Variants in SEM1 observed in about 807,000 individuals in gnomAD.
SEM1 encodes the protein SEM1 26S proteasome subunit, also known as 26S proteasome complex subunit SEM1.
In SEM1, 3 loss-of-function variants were observed where a neutral mutation model predicts 12.7. The observed-to-expected ratio is 0.24, with a 90% CI of 0.11 to 0.61. SEM1 has a LOEUF of 0.61. SEM1 is among the 20% of genes least tolerant of loss of function. The pLI is 0.88. For synonymous variants in SEM1, 30 were observed against 27.8 expected (o/e 1.08, Z -0.25); for missense variants, 59 against 81.3 (o/e 0.73, Z 1.06).
chr7:96,534,337 G>A (rs944003993), intron 2 of SEM1, among the ~76,000 whole-genome samples: 1 of 152,046 alleles, frequency 6.6e-6, no homozygotes, highest in African/African-American at 2.4e-5. Flanking sequence ...TGATAAGACT[G>A]GTGTGATAGT....
intron 2 of SEM1, among the ~76,000 whole-genome samples, chr7:96,627,273 A>C (rs1294499249): frequency 6.6e-6 from 1 of 151,014 alleles, no homozygotes; most frequent in Non-Finnish European, 1.5e-5. Context: ...TTCTGCTCTG[A>C]TCTTTATTAT....
chr7:96,704,316 T>C (rs904704096), intron 1 of SEM1, among the ~76,000 whole-genome samples: 8 of 152,132 alleles, frequency 5.3e-5, no homozygotes, highest in South Asian at 2.1e-4. Context: ...TTTTGGGGAA[T>C]TGTAGAGGGA....
At chr7:96,662,450 A>G (rs991714249) in intron 2 of SEM1, among the ~76,000 whole-genome samples, 9 of 152,178 alleles carry the variant, frequency 5.9e-5, no homozygotes, top group African/African-American at 1.9e-4. Context: ...GCTCTCACTC[A>G]TAAGTGGGAG....
chr7:96,503,116 A>G (rs1387496320), intron 3 of SEM1, among the ~76,000 whole-genome samples: 1 of 152,168 alleles, frequency 6.6e-6, no homozygotes, highest in Non-Finnish European at 1.5e-5. Flanking sequence ...CTAGAAGCAT[A>G]AGCTTATCTT....
intron 3 of SEM1, among the ~76,000 whole-genome samples, chr7:96,504,242 T>A (rs1211368228): frequency 6.6e-6 from 1 of 152,150 alleles, no homozygotes; most frequent in Non-Finnish European, 1.5e-5. Context: ...TTTATGGTTT[T>A]CACATCATAT....
intron 1 of SEM1, among the ~76,000 whole-genome samples, chr7:96,488,189 GA>G (rs1471306384): frequency 6.6e-6 from 1 of 152,016 alleles, no homozygotes; most frequent in Non-Finnish European, 1.5e-5. Flanking sequence ...AGAAAAATCT[GA>G]AAAATGAGGG....
chr7:96,707,377 TGTG>T (rs1351035598), intron 1 of SEM1, among the ~76,000 whole-genome samples: 1 of 152,254 alleles, frequency 6.6e-6, no homozygotes, highest in Non-Finnish European at 1.5e-5. Flanking sequence ...GGTTTCACCT[TGTG>T]GGATGATTTT....
intron 2 of SEM1, among the ~76,000 whole-genome samples, chr7:96,574,385 G>A (rs528630206): frequency 2.0e-4 from 17 of 86,624 alleles, no homozygotes; most frequent in African/African-American, 5.2e-4. Flanking sequence ...GAATAGTGCC[G>A]CAATAAACAT....
chr7:96,534,057 G>A (rs1221524984), intron 2 of SEM1, among the ~76,000 whole-genome samples: 1 of 152,046 alleles, frequency 6.6e-6, no homozygotes, highest in Non-Finnish European at 1.5e-5. Context: ...GCAGATATCT[G>A]AGTTGAGAGC....
chr7:96,551,395 G>C (rs1805266030), intron 2 of SEM1, among the ~76,000 whole-genome samples: 1 of 152,112 alleles, frequency 6.6e-6, no homozygotes, highest in Non-Finnish European at 1.5e-5. Context: ...CAAATGATAA[G>C]TGTCTTTATA....
At chr7:96,496,454 CA>C, upstream of SEM1, 1 of 558,580 alleles carries the variant, frequency 1.8e-6, no homozygotes, top group Non-Finnish European at 3.1e-6. Flanking sequence ...ACAAATGGAA[CA>C]TATGTTTTCT....
At chr7:96,682,375 ATTTC>A (rs1789640689) in intron 2 of SEM1, among the ~76,000 whole-genome samples, 1 of 151,986 alleles carries the variant, frequency 6.6e-6, no homozygotes, top group South Asian at 2.1e-4. Context: ...AATACCCTTT[ATTTC>A]TTTCTCTTGC....
At chr7:96,662,203 C>T (rs1439092721) in intron 2 of SEM1, among the ~76,000 whole-genome samples, 1 of 152,098 alleles carries the variant, frequency 6.6e-6, no homozygotes, top group East Asian at 1.9e-4. Flanking sequence ...AATCATTCTA[C>T]TATAAACACA....
intron 2 of SEM1, among the ~76,000 whole-genome samples, chr7:96,585,150 G>A (rs1158229196): frequency 6.6e-6 from 1 of 152,164 alleles, no homozygotes; most frequent in Non-Finnish European, 1.5e-5. Flanking sequence ...GTTTTTTGGT[G>A]TGGATATCCT....
intron 2 of SEM1, among the ~76,000 whole-genome samples, chr7:96,659,319 T>C (rs1438901737): frequency 6.6e-6 from 1 of 152,104 alleles, no homozygotes; most frequent in African/African-American, 2.4e-5. Flanking sequence ...TAAGGGAAAC[T>C]AGAAAACAAT....
chr7:96,671,737 G>C (rs184367222), downstream of SEM1, among the ~76,000 whole-genome samples: 2 of 152,192 alleles, frequency 1.3e-5, no homozygotes, highest in Admixed American at 1.3e-4. Context: ...AAAGTTGAGA[G>C]GTATAAGACA....
intron 1 of SEM1, among the ~76,000 whole-genome samples, chr7:96,700,324 C>A (rs900400422): frequency 6.6e-6 from 1 of 152,098 alleles, no homozygotes; most frequent in Non-Finnish European, 1.5e-5. Context: ...GAGTACACAA[C>A]CAGACAAAGG....
intron 2 of SEM1, among the ~76,000 whole-genome samples, chr7:96,663,800 A>G (rs1202975174): frequency 1.3e-5 from 2 of 152,196 alleles, no homozygotes; most frequent in Non-Finnish European, 2.9e-5. Context: ...GAATTTCAAG[A>G]AAAAAATATA....
intron 2 of SEM1, among the ~76,000 whole-genome samples, chr7:96,573,233 C>T (rs1806098182): frequency 6.6e-6 from 1 of 151,904 alleles, no homozygotes; most frequent in African/African-American, 2.4e-5. Flanking sequence ...GGTCTCGACT[C>T]TATCCCATTT....
Sources: allele counts gnomAD v4.1 joint callset (sites outside exome capture counted in the v4.1 genomes callset), GRCh38; gene constraint gnomAD v4.1.1; transcripts MANE v1.5; gene names NCBI Gene and HGNC (gene_info 2026-07-23, HGNC 2026-07-21).